Variants in LRFN5 observed in about 807,000 individuals in gnomAD.
LRFN5 encodes the protein leucine rich repeat and fibronectin type III domain containing 5.
LRFN5 carries 24 observed loss-of-function variants against 45.6 expected under a neutral mutation model. That is an observed-to-expected ratio of 0.53 (90% CI 0.38 to 0.74). The LOEUF (loss-of-function observed/expected upper bound fraction) is 0.74. LRFN5 is among the 30% of genes least tolerant of loss of function. LRFN5 has a pLI of 0.00. For missense variants in LRFN5, 776 were observed against 861.5 expected (o/e 0.90, Z 1.24); for synonymous variants, 340 against 313.8 (o/e 1.08, Z -0.88).
chr14:41,763,169 A>G (rs1046959263), intron 1 of LRFN5, among the ~76,000 whole-genome samples: 7 of 152,230 alleles, frequency 4.6e-5, no homozygotes, highest in Non-Finnish European at 8.8e-5. Flanking sequence ...TTTTATGATG[A>G]GTACTTTCAC....
At chr14:41,848,336 G>A (rs1208092055) in intron 2 of LRFN5, among the ~76,000 whole-genome samples, 2 of 151,978 alleles carry the variant, frequency 1.3e-5, no homozygotes, top group East Asian at 3.9e-4. Context: ...AAGTTAGAAA[G>A]TTTAAACTAC....
At chr14:41,621,676 C>A (rs143483028) in intron 1 of LRFN5, among the ~76,000 whole-genome samples, 2,316 of 152,160 alleles carry the variant, frequency 0.015, 28 homozygotes, top group Non-Finnish European at 0.024. Context: ...ACTCATTTAG[C>A]AGGATGTGAA....
chr14:41,843,427 A>C (rs1408401632), intron 2 of LRFN5, among the ~76,000 whole-genome samples: 11 of 152,126 alleles, frequency 7.2e-5, no homozygotes, highest in Admixed American at 7.2e-4. Context: ...TAACTGTGAT[A>C]AAATTATATT....
intron 1 of LRFN5, among the ~76,000 whole-genome samples, chr14:41,689,247 G>A (rs1197026056): frequency 6.6e-6 from 1 of 151,978 alleles, no homozygotes; most frequent in African/African-American, 2.4e-5. Flanking sequence ...AAAGTCATAC[G>A]GAAAGCAAAG....
chr14:41,863,055 G>A (rs1292020169), intron 2 of LRFN5, among the ~76,000 whole-genome samples: 1 of 151,614 alleles, frequency 6.6e-6, no homozygotes, highest in African/African-American at 2.4e-5. Context: ...TTAGTGAGAC[G>A]GAGTTTCACC....
At chr14:41,680,462 G>A (rs1032015095) in intron 1 of LRFN5, among the ~76,000 whole-genome samples, 16 of 152,156 alleles carry the variant, frequency 1.1e-4, no homozygotes, top group African/African-American at 3.9e-4. Context: ...GACAACAAGA[G>A]TATCTTCCTG....
rs534303462 is a variant in LRFN5 at position 41,608,052 on chromosome 14, G to C, written c.-707G>C. 3.3e-5 allele frequency: 5 copies of C among 152,156 alleles called. No homozygotes were observed. The highest frequency in any genetic ancestry group is 9.7e-5 in the African/African-American group (4 of 41,430). 9.4% of individuals were successfully genotyped at this position (152,156 alleles called of 1,614,324 possible). ...ACCAGCTCTTGAATTACGTGGATTC[G>C]GGTTGGAGGAGAACTTGAAGGAAAC... On this transcript the variant is annotated 5_prime_UTR_variant, in exon 1 of 6. Coordinates refer to ENST00000298119, the MANE Select transcript of LRFN5 (RefSeq NM_152447.5).
At chr14:41,853,296 A>G (rs1485174624) in intron 2 of LRFN5, among the ~76,000 whole-genome samples, 1 of 152,012 alleles carries the variant, frequency 6.6e-6, no homozygotes, top group African/African-American at 2.4e-5. Context: ...TCTGTTCTGG[A>G]TACAATAAGT....
chr14:41,883,686 T>C (rs73303366), intron 2 of LRFN5, among the ~76,000 whole-genome samples: 1,830 of 152,304 alleles, frequency 0.012, 34 homozygotes, highest in African/African-American at 0.042. Flanking sequence ...TTACTTTTAT[T>C]TTGTTTACCT....
At chr14:41,617,868 A>G (rs893652118) in intron 1 of LRFN5, among the ~76,000 whole-genome samples, 1 of 152,188 alleles carries the variant, frequency 6.6e-6, no homozygotes, top group Non-Finnish European at 1.5e-5. Flanking sequence ...ACATACTGCA[A>G]TATCATGATG....
chr14:41,782,232 CT>C (rs900540335), intron 2 of LRFN5, among the ~76,000 whole-genome samples: 2 of 151,068 alleles, frequency 1.3e-5, no homozygotes, highest in African/African-American at 4.9e-5. Context: ...TTTTTAAATT[CT>C]TTTTTTCCTC....
intron 1 of LRFN5, among the ~76,000 whole-genome samples, chr14:41,704,432 C>CTGTG (rs1312895541): frequency 5.9e-4 from 17 of 28,598 alleles, no homozygotes; most frequent in East Asian, 5.9e-3. Context: ...CTCTCTCTCT[C>CTGTG]TCTCTCTCTC....
At chr14:41,707,244 A>T (rs1021699315) in intron 1 of LRFN5, among the ~76,000 whole-genome samples, 1 of 152,220 alleles carries the variant, frequency 6.6e-6, no homozygotes, top group Non-Finnish European at 1.5e-5. Flanking sequence ...ATTCTCTGCC[A>T]TGCTTATCCT....
At chr14:41,714,822 T>G (rs1267016427) in intron 1 of LRFN5, among the ~76,000 whole-genome samples, 2 of 152,120 alleles carry the variant, frequency 1.3e-5, no homozygotes, top group East Asian at 1.9e-4. Context: ...GGAGTGTTGC[T>G]TAAGCATAGG....
chr14:41,830,206 A>G (rs1288145225), intron 2 of LRFN5, among the ~76,000 whole-genome samples: 3 of 151,730 alleles, frequency 2.0e-5, no homozygotes, highest in Non-Finnish European at 4.4e-5. Context: ...TTTCAATTGT[A>G]GTAGTGTTAT....
intron 2 of LRFN5, among the ~76,000 whole-genome samples, chr14:41,781,616 G>GAAAGAA (rs1317274535): frequency 1.2e-4 from 7 of 59,638 alleles, no homozygotes; most frequent in African/African-American, 4.5e-4. Context: ...AAGAAAGAAA[G>GAAAGAA]AGAAAGAAAG....
At chr14:41,719,851 C>A (rs961410289) in intron 1 of LRFN5, among the ~76,000 whole-genome samples, 5 of 151,640 alleles carry the variant, frequency 3.3e-5, no homozygotes, top group African/African-American at 9.7e-5. Context: ...TACTTTGAGA[C>A]CTTTCTAACT....
At chr14:41,836,671 C>T (rs1001482655) in intron 2 of LRFN5, among the ~76,000 whole-genome samples, 7 of 152,238 alleles carry the variant, frequency 4.6e-5, no homozygotes, top group East Asian at 3.9e-4. Context: ...CTAATTGACA[C>T]GATCTTTGGC....
intron 1 of LRFN5, among the ~76,000 whole-genome samples, chr14:41,650,896 AGAGGGAGGGAGG>A (rs58845118): frequency 0.026 from 2,121 of 80,898 alleles, 88 homozygotes; most frequent in African/African-American, 0.1. Context: ...AGAGAGAGAG[AGAGGGAGGGAGG>A]GAGGGAGGGA....
Sources: allele counts gnomAD v4.1 joint callset (sites outside exome capture counted in the v4.1 genomes callset), GRCh38; gene constraint gnomAD v4.1.1; transcripts MANE v1.5; gene names NCBI Gene and HGNC (gene_info 2026-07-23, HGNC 2026-07-21).